Variants in BFSP2 observed in about 807,000 individuals in gnomAD.
The protein encoded by BFSP2 is phakinin.
BFSP2 carries 38 observed loss-of-function variants against 44.9 expected under a neutral mutation model. The ratio of observed to expected loss-of-function variants is 0.85; its 90% confidence interval spans 0.65 to 1.11. The LOEUF is 1.11. BFSP2 is among the 50% of genes least tolerant of loss of function. The pLI is 0.00. For synonymous variants in BFSP2, 197 were observed against 209.9 expected (o/e 0.94, Z 0.53); for missense variants, 525 against 533.0 (o/e 0.99, Z 0.15).
intron 1 of BFSP2, among the ~76,000 whole-genome samples, chr3:133,406,059 T>C (rs1395165196): frequency 4.6e-5 from 7 of 151,890 alleles, no homozygotes; most frequent in Admixed American, 3.9e-4. Context: ...TAAGCGATTC[T>C]CCTGCCTCAG....
chr3:133,416,195 T>TTACTCACCCCTGCCCCCTCCGCTC (rs2073526336), intron 1 of BFSP2, among the ~76,000 whole-genome samples: 1 of 93,504 alleles, frequency 1.1e-5, no homozygotes, highest in Non-Finnish European at 2.2e-5. Flanking sequence ...TCTCTCCCCT[T>TTACTCACCCCTGCCCCCTCCGCTC]TACTCACCCC....
intron 6 of BFSP2, 36 bp downstream of exon 6, chr3:133,472,601 G>A: frequency 1.9e-6 from 3 of 1,590,338 alleles, no homozygotes; most frequent in Non-Finnish European, 2.6e-6. Context: ...TCCAAGAGAT[G>A]CATATTCATG....
chr3:133,425,237 G>C (rs2073632812), intron 1 of BFSP2, among the ~76,000 whole-genome samples: 1 of 152,180 alleles, frequency 6.6e-6, no homozygotes, highest in Non-Finnish European at 1.5e-5. Flanking sequence ...TCAAATATTA[G>C]AGCCAAAATT....
intron 1 of BFSP2, among the ~76,000 whole-genome samples, chr3:133,432,715 G>A (rs188289582): frequency 3.4e-4 from 52 of 151,982 alleles, no homozygotes; most frequent in African/African-American, 1.1e-3. Flanking sequence ...TACCTACCTC[G>A]GCATAATTCT....
At chr3:133,415,860 T>C (rs2107887638) in intron 1 of BFSP2, among the ~76,000 whole-genome samples, 1 of 119,008 alleles carries the variant, frequency 8.4e-6, no homozygotes, top group African/African-American at 3.2e-5. Context: ...CCCTCTCCCC[T>C]CTACTCACCC....
In BFSP2 at chr3:133,416,040, TCTC is replaced by T. The variant is rs1037378849; in HGVS notation, c.489+15472_489+15474del. Among the ~76,000 whole-genome samples, 3 of 112,034 alleles carry T rather than the reference TCTC, an allele frequency of 2.7e-5. No individual in the cohort carries two copies. In the Admixed American group the frequency reaches 3.0e-4, roughly 11 times the overall value. 73.5% of individuals were successfully genotyped at this position (112,034 alleles called of 152,430 possible). On this transcript the variant is annotated intron_variant, in intron 1 of 6. Coordinates refer to ENST00000302334, the MANE Select transcript of BFSP2 (RefSeq NM_003571.4). ...CTCTCCCCTCTACTCACCCCTGTCCTCTCCTCTCTACTCATCCCTCTACACACC... is the reference window on the plus strand; with the variant it reads ...CTCTCCCCTCTACTCACCCCTGTCCTCTCTCTACTCATCCCTCTACACACC...
intron 1 of BFSP2, among the ~76,000 whole-genome samples, chr3:133,427,301 T>C (rs1212217451): frequency 1.3e-5 from 2 of 152,254 alleles, no homozygotes; most frequent in Non-Finnish European, 2.9e-5. Context: ...CAGCATGTTC[T>C]CCGTAGCTGT....
intron 1 of BFSP2, among the ~76,000 whole-genome samples, chr3:133,414,672 CT>C: frequency 7.2e-6 from 1 of 138,930 alleles, no homozygotes; most frequent in Non-Finnish European, 1.5e-5. Context: ...CCTCTACTCA[CT>C]CCTCTACTCA....
intron 1 of BFSP2, chr3:133,410,833 T>G (rs978116395): frequency 1.1e-5 from 2 of 174,466 alleles, no homozygotes; most frequent in Non-Finnish European, 2.7e-5. Context: ...TTCTAACCGC[T>G]GGACCTAAGT....
intron 1 of BFSP2, among the ~76,000 whole-genome samples, chr3:133,416,250 C>G (rs565514966): frequency 7.0e-6 from 1 of 143,866 alleles, no homozygotes; most frequent in Non-Finnish European, 1.5e-5. Context: ...CCTGCCCTCT[C>G]CCCTGTCCTC....
At chr3:133,447,232 C>T (rs1559974352) in intron 1 of BFSP2, 85 bp from the exon 2 acceptor site, 4 of 1,415,058 alleles carry the variant, frequency 2.8e-6, no homozygotes, top group Non-Finnish European at 3.0e-6. Flanking sequence ...CCCCCAGAGC[C>T]TCTGTGCCTA....
rs759174901 is a variant in BFSP2 at position 133,400,528 on chromosome 3, A to G, written c.445A>G (p.Asn149Asp). ...HLESKATRSG[N>D]WGALRASWAS... ...GGAGAGCAAAGCCACACGCTCGGGA[A>G]ACTGGGGTGCCCTACGGGCTTCCTG... is the stretch of plus-strand genomic sequence containing the variant. The change falls in exon 1 of 7, where the codon AAC becomes GAC. Residue 149 changes from asparagine to aspartate, a missense_variant. Transcript: ENST00000302334. The surrounding 1 kb of genome is among the most constrained non-coding windows in gnomAD (Gnocchi z 4.0). 2 of 1,613,514 alleles carry G rather than the reference A, an allele frequency of 1.2e-6. No individual in the cohort carries two copies. Among genetic ancestry groups the G allele is most frequent in the Admixed American group, 3.3e-5 (2 of 59,972 alleles).
intron 4 of BFSP2, among the ~76,000 whole-genome samples, chr3:133,460,628 G>T (rs1005426287): frequency 2.0e-5 from 3 of 152,094 alleles, no homozygotes; most frequent in Admixed American, 6.6e-5. Context: ...TGTCCCCGGG[G>T]GGCTAAAAGT....
rs1176506596 is a variant in BFSP2, at chr3:133,472,533, C to T, written c.1212C>T (p.Ser404=). ...RKCQLQKDVA[S]YHALLDREES... ...GCCAGCTGCAGAAGGACGTGGCGTC[C>T]TACCACGCCCTGCTGGACAGGGAGG... Residue 404 remains serine, a synonymous_variant, in exon 6 of 7, where the codon TCC becomes TCT. Coordinates refer to ENST00000302334, the MANE Select transcript of BFSP2 (RefSeq NM_003571.4). 6.2e-7 allele frequency: 1 copy of T among 1,612,438 alleles called. No homozygotes were observed. Among genetic ancestry groups the T allele is most frequent in the Admixed American group, 1.7e-5 (1 of 59,988 alleles).
intron 1 of BFSP2, chr3:133,410,746 G>A (rs552145297): frequency 8.7e-6 from 2 of 230,036 alleles, no homozygotes; most frequent in Admixed American, 9.2e-5. Flanking sequence ...GAGCGCTACA[G>A]TAGCCAATCC....
intron 1 of BFSP2, among the ~76,000 whole-genome samples, chr3:133,407,230 C>A (rs1297621530): frequency 6.6e-6 from 1 of 152,050 alleles, no homozygotes; most frequent in African/African-American, 2.4e-5. Flanking sequence ...AAATAACAAA[C>A]AATGCTATTT....
intron 1 of BFSP2, among the ~76,000 whole-genome samples, chr3:133,413,672 A>T (rs2107883450): frequency 6.6e-6 from 1 of 152,194 alleles, no homozygotes; most frequent in African/African-American, 2.4e-5. Context: ...TAAACGAGCT[A>T]GTAGAGCTGG....
intron 1 of BFSP2, among the ~76,000 whole-genome samples, chr3:133,432,529 G>T (rs978797769): frequency 1.3e-5 from 2 of 152,092 alleles, no homozygotes; most frequent in Non-Finnish European, 2.9e-5. Context: ...TCTTTCTCAT[G>T]ATTTACTTTC....
intron 1 of BFSP2, among the ~76,000 whole-genome samples, chr3:133,435,823 C>A (rs2073775244): frequency 6.6e-6 from 1 of 152,154 alleles, no homozygotes; most frequent in Non-Finnish European, 1.5e-5. Flanking sequence ...TTGTAAACTG[C>A]TGATTTCTTT....
Sources: gnomAD v4.1 joint callset for allele counts (sites outside exome capture counted in the v4.1 genomes callset) on GRCh38, gnomAD v4.1.1 for gene constraint, Gnocchi (gnomAD v3.1) non-coding constraint, MANE v1.5 for transcripts, NCBI Gene and HGNC (gene_info 2026-07-23, HGNC 2026-07-21) for gene names.